The following LAMA5 variants were observed in gnomAD, a reference collection of about 807,000 sequenced individuals.
The protein encoded by LAMA5 is laminin subunit alpha-5.
LAMA5 carries 260 observed loss-of-function variants against 433.4 expected under a neutral mutation model. The observed-to-expected ratio is 0.60, with a 90% CI of 0.54 to 0.66. The LOEUF (loss-of-function observed/expected upper bound fraction) is 0.66, where lower values mean the gene tolerates loss of function less well. Among genes scored for constraint, LAMA5 ranks in the 30% least tolerant of loss-of-function variants. LAMA5 has a pLI of 0.00. For missense variants in LAMA5, 5,378 were observed against 5,258.5 expected (o/e 1.02, Z -0.70); for synonymous variants, 2,620 against 2,226.6 (o/e 1.18, Z -4.97).
chr20:62,336,237 A>C, intron 18 of LAMA5, 103 bp downstream of exon 18: 2 of 792,884 alleles, frequency 2.5e-6, no homozygotes, highest in Non-Finnish European at 4.1e-6. Context: ...CACTGGCTCC[A>C]GCCCCTCCAG....
At chr20:62,345,492 G>A (rs574214554) in intron 11 of LAMA5, 16 of 447,376 alleles carry the variant, frequency 3.6e-5, no homozygotes, top group Non-Finnish European at 5.9e-5. Context: ...CTGCAGCTTC[G>A]GCCTTCCAGG....
In LAMA5 at chr20:62,359,260, C is replaced by T. The variant is rs1408907649; in HGVS notation, c.450+3140G>A. 6.6e-6 allele frequency among the ~76,000 whole-genome samples: 1 copy of T among 152,186 alleles called. No individual in the cohort carries two copies. ...GAGAGCCCCGCCCCCACGGTCAGGC[C>T]ACCCAGGGGCCGACTGGAGAGGGAG... On this transcript the variant is annotated intron_variant, in intron 2 of 79. Transcript: ENST00000252999. The surrounding 1 kb of genome is among the most constrained non-coding windows in gnomAD (Gnocchi z 4.3).
chr20:62,313,760 C>G lies in LAMA5; in HGVS notation c.8547G>C (p.Gln2849His), dbSNP rs746343485. ...TGTCACCCTTGGTTTCCTGGATCAT[C>G]TGTCTCTCCACTGTGACGGACATGT... ...FGHMSVTVERQMIQETKGDTV... is the reference protein window; with the variant it reads ...FGHMSVTVERHMIQETKGDTV... The change falls in exon 63 of 80, where the codon CAG becomes CAC. Residue 2849 changes from glutamine to histidine, a missense_variant. Physicochemically the swap from Gln to His is conservative, Grantham distance 24. Transcript: ENST00000252999. 1.2e-6 allele frequency: 2 copies of G among 1,612,982 alleles called. No homozygotes were observed. Among genetic ancestry groups the G allele is most frequent in the African/African-American group, 1.3e-5 (1 of 75,054 alleles).
At chr20:62,313,504 T>TC in intron 63 of LAMA5, 44 bp from the exon 64 acceptor site, 1 of 1,564,376 alleles carries the variant, frequency 6.4e-7, no homozygotes, top group Non-Finnish European at 8.6e-7. Flanking sequence ...CTGAGGCGCC[T>TC]CCCCTCCAGG....
rs756716133 is a variant in LAMA5, at chr20:62,328,860, G to A, written c.4431C>T (p.Gly1477=). The A allele has an allele frequency of 2.5e-6, 4 of 1,610,932 alleles. No homozygotes were observed. The highest frequency in any genetic ancestry group is 4.5e-5 in the East Asian group (2 of 44,864). ...GGTACTCACGCCTGCAGTTGGGGAA[G>A]CCCCAGTATCCGGTGGCACAGCGGG... ...DCSRCATGYW[G]FPNCRPCDCG... The change falls in exon 34 of 80, where the codon GGC becomes GGT. Residue 1477 remains glycine, a synonymous_variant. Coordinates refer to ENST00000252999, the MANE Select transcript of LAMA5 (RefSeq NM_005560.6).
chr20:62,336,909 A>C, intron 16 of LAMA5, 123 bp from the exon 17 acceptor site: 55 of 915,180 alleles, frequency 6.0e-5, no homozygotes, highest in Non-Finnish European at 8.3e-5. Flanking sequence ...GGTGCCTCTC[A>C]TCCACATGGA....
In LAMA5 at chr20:62,314,434, C is replaced by T; in HGVS notation, c.8374G>A (p.Gly2792Arg). 1 of 1,613,400 alleles carries T rather than the reference C, an allele frequency of 6.2e-7. No homozygotes were observed. Among genetic ancestry groups the T allele is most frequent in the South Asian group, 1.1e-5 (1 of 91,088 alleles). ...VMYMGSRQATGDYMGVSLRDK... is the reference protein window; with the variant it reads ...VMYMGSRQATRDYMGVSLRDK... ...CGCAGAGACACACCCATGTAGTCCC[C>T]AGTGGCCTGCGGCAGTGACAGACAC... Residue 2792 changes from glycine (G) to arginine (R), a missense_variant, in exon 62 of 80, where the codon GGG (glycine) becomes AGG (arginine). Gly to Arg is a moderately radical substitution (Grantham distance 125). Transcript: ENST00000252999.
In LAMA5 at chr20:62,309,486, A is replaced by G. The variant is rs1274312160; in HGVS notation, c.10949-11T>C. 3 of 1,567,984 alleles carry G rather than the reference A, an allele frequency of 1.9e-6. No individual in the cohort carries two copies. The highest frequency in any genetic ancestry group is 2.7e-5 in the African/African-American group (2 of 74,160). On this transcript the variant is annotated splice_polypyrimidine_tract_variant and intron_variant, in intron 79 of 79. Transcript: ENST00000252999. ...GCACGGCCATGGGCTCTGGGGGCAC[A>G]GGGAAGATGGAAGAAGGCTGGTTGG...
chr20:62,315,903 C>T (rs934903514), intron 58 of LAMA5, 45 bp downstream of exon 58: 31 of 1,433,080 alleles, frequency 2.2e-5, no homozygotes, highest in Non-Finnish European at 2.9e-5. Flanking sequence ...GTCACAGAGC[C>T]TCATGGTCGG....
chr20:62,313,305 G>A (rs756493635), intron 64 of LAMA5, 22 bp downstream of exon 64: 14 of 1,542,370 alleles, frequency 9.1e-6, no homozygotes, highest in East Asian at 4.9e-5. Flanking sequence ...GGGTGGAGAC[G>A]GGGAGGGCAG....
At position 62,335,011 on chromosome 20, in the gene LAMA5, G is replaced by A. The variant is rs1234028932; in HGVS notation, c.2482+10C>T. The A allele has an allele frequency of 2.5e-6, 4 of 1,609,616 alleles. No homozygotes were observed. The highest frequency in any genetic ancestry group is 3.3e-5 in the Admixed American group (2 of 59,956). On this transcript the variant is annotated intron_variant, in intron 20 of 79. Transcript: ENST00000252999. ...GGGCTGTGGTCTGGGACGAGCGAGTGGGCACTCACTGCGGCAGCCAAAATA... is the reference window on the plus strand; with the variant it reads ...GGGCTGTGGTCTGGGACGAGCGAGTAGGCACTCACTGCGGCAGCCAAAATA...
rs774418545 is a variant in LAMA5, at chr20:62,318,653, A to G, written c.7043-3T>C. On this transcript the variant is annotated splice_region_variant and splice_polypyrimidine_tract_variant and intron_variant, in intron 52 of 79. Coordinates refer to ENST00000252999, the MANE Select transcript of LAMA5 (RefSeq NM_005560.6). ...CTGCTCCTGCACCCGGGCCAGCACT[A>G]GCCGAGACCAGGGTGAGGGTGGTCA... The G allele has an allele frequency of 3.1e-6, 5 of 1,609,100 alleles. No homozygotes were observed. The highest frequency in any genetic ancestry group is 1.3e-5 in the African/African-American group (1 of 74,676).
chr20:62,333,269 C>CCCCAGGTCCA (rs1297030380), intron 25 of LAMA5, 26 bp from the exon 26 acceptor site: 2 of 1,573,116 alleles, frequency 1.3e-6, no homozygotes, highest in African/African-American at 1.4e-5. Flanking sequence ...CCGTGGTCAG[C>CCCCAGGTCCA]CCCAGGTCCA....
chr20:62,311,348 G>T, intron 72 of LAMA5, 41 bp from the exon 73 acceptor site: 1 of 1,523,000 alleles, frequency 6.6e-7, no homozygotes, highest in Non-Finnish European at 8.8e-7. Context: ...GCCCACACAG[G>T]GGCCACCCTT....
chr20:62,316,275 C>G (rs1471783466), intron 57 of LAMA5: 8 of 592,094 alleles, frequency 1.4e-5, no homozygotes, highest in South Asian at 6.0e-5. Flanking sequence ...GCAGGCATAG[C>G]TGTCCCCATT....
chr20:62,336,586 C>T (rs1981671178), intron 17 of LAMA5, 141 bp from the exon 18 acceptor site: 4 of 1,147,680 alleles, frequency 3.5e-6, no homozygotes, highest in Non-Finnish European at 5.1e-6. Context: ...GCAGTGGGGG[C>T]AGAGGACCAG....
chr20:62,328,743 C>A, intron 34 of LAMA5, 101 bp downstream of exon 34: 2 of 1,205,128 alleles, frequency 1.7e-6, no homozygotes, highest in Non-Finnish European at 1.2e-6. Context: ...CCCTGCCAGG[C>A]TCTAGAACAT....
At chr20:62,320,515 A>G in intron 50 of LAMA5, 44 bp downstream of exon 50, 1 of 1,444,728 alleles carries the variant, frequency 6.9e-7, no homozygotes, top group Non-Finnish European at 9.4e-7. Context: ...CGGGGAACAC[A>G]GGTGAAAGCC....
chr20:62,312,153 G>A lies in LAMA5; in HGVS notation c.9504+20C>T. On this transcript the variant is annotated intron_variant, in intron 69 of 79. Transcript: ENST00000252999. Reference sequence around the variant, plus strand: ...ACGGCCACCGCGGGGTGGGGAATGGGCACGGGTGTGAGGTCTCACCGGGGA... The same window carrying A: ...ACGGCCACCGCGGGGTGGGGAATGGACACGGGTGTGAGGTCTCACCGGGGA... 6.2e-7 allele frequency: 1 copy of A among 1,610,566 alleles called. No homozygotes were observed. Among genetic ancestry groups the A allele is most frequent in the Non-Finnish European group, 8.5e-7 (1 of 1,178,988 alleles).
Sources: allele counts gnomAD v4.1 joint callset (sites outside exome capture counted in the v4.1 genomes callset), GRCh38; gene constraint gnomAD v4.1.1; non-coding constraint Gnocchi (gnomAD v3.1); transcripts MANE v1.5; gene names NCBI Gene and HGNC (gene_info 2026-07-23, HGNC 2026-07-21).